Variants in VPS41 observed in about 807,000 individuals in gnomAD.
VPS41 encodes the protein VPS41 subunit of HOPS complex, also known as vacuolar protein sorting-associated protein 41 homolog.
In VPS41, 85 loss-of-function variants were observed where a neutral mutation model predicts 130.9. The observed-to-expected ratio is 0.65, with a 90% CI of 0.55 to 0.78. The LOEUF (loss-of-function observed/expected upper bound fraction) is 0.78, where lower values mean the gene tolerates loss of function less well. VPS41 is among the 30% of genes least tolerant of loss of function. VPS41 has a pLI of 0.00. For missense variants in VPS41, 874 were observed against 1,018.7 expected, an observed-to-expected ratio of 0.86 and a Z score of 1.93; for synonymous variants, 335 against 332.9, an observed-to-expected ratio of 1.01 and a Z score of -0.07.
chr7:38,885,142 C>T (rs2893568), intron 2 of VPS41, among the ~76,000 whole-genome samples: 95,683 of 151,982 alleles, frequency 0.63, 31,491 homozygotes, highest in East Asian at 0.89. Context: ...GGCACAATCT[C>T]GGCTCACGGC....
At position 38,758,360 on chromosome 7, in the gene VPS41, G is replaced by A; in HGVS notation, c.1544C>T (p.Ala515Val). The A allele has an allele frequency of 6.2e-7, 1 of 1,607,742 alleles. No homozygotes were observed. Among genetic ancestry groups the A allele is most frequent in the South Asian group, 1.1e-5 (1 of 89,162 alleles). Reference protein sequence around the residue: ...SQNKTLLKTLAELYTYDKNYG... With the variant: ...SQNKTLLKTLVELYTYDKNYG... ...AACACTTAAGTATACTCACAATTCT[G>A]CCAGGGTTTTAAGTAAAGTCTTGTT... The change falls in exon 18 of 29, where the codon GCA becomes GTA. Residue 515 changes from alanine to valine, a missense_variant. Transcript: ENST00000310301.
intron 1 of VPS41, among the ~76,000 whole-genome samples, chr7:38,908,876 C>A (rs1787326290): frequency 1.3e-5 from 2 of 152,202 alleles, no homozygotes; most frequent in Non-Finnish European, 2.9e-5. Flanking sequence ...TGCCTTCATG[C>A]CAAAATTTCC....
intron 7 of VPS41, among the ~76,000 whole-genome samples, chr7:38,811,666 A>G (rs1205698200): frequency 6.6e-6 from 1 of 151,520 alleles, no homozygotes; most frequent in Non-Finnish European, 1.5e-5. Flanking sequence ...TCATATATAT[A>G]TATATCTTCT....
chr7:38,735,860 C>G (rs958425107), intron 25 of VPS41, among the ~76,000 whole-genome samples: 1 of 152,186 alleles, frequency 6.6e-6, no homozygotes, highest in Non-Finnish European at 1.5e-5. Context: ...CTGAGAAGGG[C>G]TGTCCTGCTA....
chr7:38,728,654 G>C (rs760788998), intron 26 of VPS41, 38 bp downstream of exon 26: 2 of 1,613,662 alleles, frequency 1.2e-6, no homozygotes, highest in East Asian at 2.2e-5. Flanking sequence ...CTGAAAGCAG[G>C]GCACGTGGTT....
chr7:38,821,087 T>C (rs1785161844), intron 6 of VPS41, 116 bp downstream of exon 6: 1 of 751,302 alleles, frequency 1.3e-6, no homozygotes, highest in African/African-American at 1.7e-5. Context: ...TCTGAAGTGT[T>C]GAACAGACAC....
At chr7:38,817,923 G>A (rs760889975) in intron 6 of VPS41, 41 bp from the exon 7 acceptor site, 32 of 1,514,066 alleles carry the variant, frequency 2.1e-5, no homozygotes, top group Non-Finnish European at 2.9e-5. Flanking sequence ...TAGGAGTCAT[G>A]GCCAATGCAC....
intron 7 of VPS41, among the ~76,000 whole-genome samples, chr7:38,812,482 A>G (rs1326423753): frequency 1.3e-5 from 2 of 152,182 alleles, no homozygotes; most frequent in African/African-American, 4.8e-5. Flanking sequence ...AAGAGGCAAC[A>G]GGCAGTGATC....
chr7:38,899,888 T>A (rs1296771912), intron 1 of VPS41, among the ~76,000 whole-genome samples: 2 of 152,128 alleles, frequency 1.3e-5, no homozygotes, highest in Non-Finnish European at 2.9e-5. Context: ...TTTCCTCATA[T>A]AGAATCCACT....
chr7:38,817,726 G>T, intron 7 of VPS41, 91 bp downstream of exon 7: 1 of 1,054,730 alleles, frequency 9.5e-7, no homozygotes, highest in Non-Finnish European at 1.5e-6. Flanking sequence ...CTAATGAATA[G>T]CCAGACATAA....
intron 6 of VPS41, among the ~76,000 whole-genome samples, chr7:38,819,850 T>G (rs1029364153): frequency 1.3e-5 from 2 of 152,174 alleles, no homozygotes; most frequent in Non-Finnish European, 2.9e-5. Flanking sequence ...AGCTCTAAAT[T>G]GGATAATATC....
intron 1 of VPS41, among the ~76,000 whole-genome samples, chr7:38,904,320 A>G (rs914729615): frequency 6.6e-6 from 1 of 152,236 alleles, no homozygotes; most frequent in African/African-American, 2.4e-5. Flanking sequence ...GATAAGTGGA[A>G]AAACTAACAA....
chr7:38,772,434 C>A, intron 13 of VPS41, 88 bp downstream of exon 13: 1 of 904,302 alleles, frequency 1.1e-6, no homozygotes, highest in South Asian at 2.0e-5. Flanking sequence ...ACTTTGACTA[C>A]ATAAAAGATT....
intron 25 of VPS41, among the ~76,000 whole-genome samples, chr7:38,730,312 C>A (rs1237224605): frequency 7.9e-5 from 12 of 152,202 alleles, no homozygotes; most frequent in African/African-American, 2.9e-4. Flanking sequence ...AGCCCTCTAT[C>A]CTCAGTGGTC....
At chr7:38,795,931 G>A (rs559094961) in intron 8 of VPS41, among the ~76,000 whole-genome samples, 5 of 152,108 alleles carry the variant, frequency 3.3e-5, no homozygotes, top group South Asian at 4.1e-4. Flanking sequence ...TAATTTTATC[G>A]TTCCACCATG....
intron 3 of VPS41, among the ~76,000 whole-genome samples, chr7:38,866,545 C>T (rs1786233364): frequency 6.6e-6 from 1 of 151,994 alleles, no homozygotes; most frequent in Admixed American, 6.5e-5. Flanking sequence ...AAAGATAGAT[C>T]CAAGTTTAGA....
chr7:38,852,134 G>A (rs1785870251), intron 4 of VPS41, among the ~76,000 whole-genome samples: 1 of 152,138 alleles, frequency 6.6e-6, no homozygotes, highest in South Asian at 2.1e-4. Context: ...ACCTGAGCAT[G>A]CCCAGATGAA....
intron 1 of VPS41, among the ~76,000 whole-genome samples, chr7:38,900,074 C>T (rs1450762935): frequency 6.6e-6 from 1 of 152,008 alleles, no homozygotes; most frequent in Non-Finnish European, 1.5e-5. Context: ...ATGGTGAAAC[C>T]TCATCTCTAG....
intron 7 of VPS41, among the ~76,000 whole-genome samples, chr7:38,810,680 A>C (rs1784928009): frequency 6.6e-6 from 1 of 152,106 alleles, no homozygotes; most frequent in Non-Finnish European, 1.5e-5. Context: ...TTTATTCCAC[A>C]TTACACCTTC....
Sources: gnomAD v4.1 joint callset for allele counts (sites outside exome capture counted in the v4.1 genomes callset) on GRCh38, gnomAD v4.1.1 for gene constraint, MANE v1.5 for transcripts, NCBI Gene and HGNC (gene_info 2026-07-23, HGNC 2026-07-21) for gene names.